Variants in DMD observed in about 807,000 individuals in gnomAD.
DMD encodes dystrophin, also known as mutant dystrophin.
In DMD, 63 loss-of-function variants were observed where a neutral mutation model predicts 330.1. That is an observed-to-expected ratio of 0.19 (90% CI 0.16 to 0.24). The LOEUF (loss-of-function observed/expected upper bound fraction) is 0.24. DMD is among the 10% of genes least tolerant of loss of function. DMD has a pLI of 1.00. For synonymous variants in DMD, 1,223 were observed against 959.8 expected (o/e 1.27, Z -5.07); for missense variants, 3,344 against 2,684.1 (o/e 1.25, Z -5.43).
chrX:32,681,336 A>G (rs2062406612), intron 9 of DMD, among the ~76,000 whole-genome samples: 1 of 111,576 alleles, frequency 9.0e-6, no homozygotes, highest in African/African-American at 3.3e-5. Flanking sequence ...AGCCTTATAT[A>G]TCCATATTTG....
chrX:32,584,502 T>G (rs1312490070), intron 13 of DMD, among the ~76,000 whole-genome samples: 3 of 112,218 alleles, frequency 2.7e-5, no homozygotes, highest in Non-Finnish European at 5.6e-5. Context: ...TTATTTGTAA[T>G]GCTTCCGAAC....
intron 74 of DMD, among the ~76,000 whole-genome samples, chrX:31,164,688 G>A (rs1318712707): frequency 9.0e-6 from 1 of 110,850 alleles, no homozygotes; most frequent in Non-Finnish European, 1.9e-5. Context: ...CCTCGTTCCA[G>A]CATCGCTCTT....
rs771580185 is a variant in DMD, at chrX:32,500,230, C to G, written c.2380+1525G>C. On this transcript the variant is annotated intron_variant, in intron 19 of 78. Coordinates refer to ENST00000357033, the MANE Select transcript of DMD (RefSeq NM_004006.3). ...AAAATTACCAACGTTATTACCTCAA[C>G]GACTGCCTTAATTTTGCTTTTCTAA... Among the ~76,000 whole-genome samples the G allele has an allele frequency of 1.2e-4, 13 of 111,187 alleles. 1 individual carries two copies. The East Asian group carries it at 3.7e-3, about 31-fold the overall frequency.
intron 9 of DMD, among the ~76,000 whole-genome samples, chrX:32,675,894 G>C (rs1235597826): frequency 9.0e-6 from 1 of 111,473 alleles, no homozygotes; most frequent in Non-Finnish European, 1.9e-5. Context: ...TAATTTTTGT[G>C]ACATTATTCA....
rs964031714 is a variant in DMD at position 32,654,612 on chromosome X, T to A, written c.961-9460A>T. Among the ~76,000 whole-genome samples, 5 of 78,604 alleles carry A rather than the reference T, an allele frequency of 6.4e-5. No individual in the cohort carries two copies. The East Asian group carries it at 8.8e-4, about 14-fold the overall frequency. 68.3% of individuals were successfully genotyped at this position (78,604 alleles called of 115,157 possible). A position where few individuals can be genotyped will look rare whatever the true frequency, so the allele number is the denominator to read the frequency against. ...TCAAGGATATTGGTCTAAAATTCTC[T>A]TTTTTTTGTTTTGTCTCTGCCAGGC... On this transcript the variant is annotated intron_variant, in intron 9 of 78. Transcript: ENST00000357033.
intron 7 of DMD, among the ~76,000 whole-genome samples, chrX:32,764,007 C>T (rs16990662): frequency 0.13 from 14,404 of 110,594 alleles, 1,333 homozygotes; most frequent in African/African-American, 0.32. Flanking sequence ...AAACTGATAA[C>T]GAAAATCTTT....
At chrX:31,356,478 T>C (rs192793214) in intron 60 of DMD, among the ~76,000 whole-genome samples, 123 of 111,302 alleles carry the variant, frequency 1.1e-3, no homozygotes, top group African/African-American at 3.9e-3. Context: ...CTGTGCATGC[T>C]TGCAAGACAA....
At chrX:32,241,897 T>C (rs1230022740) in intron 43 of DMD, among the ~76,000 whole-genome samples, 1 of 111,080 alleles carries the variant, frequency 9.0e-6, no homozygotes, top group Non-Finnish European at 1.9e-5. Flanking sequence ...CCATAAGGCA[T>C]ATACCCAATA....
chrX:32,518,849 A>G (rs12013084), intron 17 of DMD, among the ~76,000 whole-genome samples: 1 of 110,318 alleles, frequency 9.1e-6, no homozygotes, highest in Non-Finnish European at 1.9e-5. Flanking sequence ...AGTTGATGCC[A>G]CATAGAGAAA....
chrX:31,410,592 T>G (rs1448398150), intron 60 of DMD, among the ~76,000 whole-genome samples: 1 of 111,139 alleles, frequency 9.0e-6, no homozygotes, highest in Non-Finnish European at 1.9e-5. Context: ...ATCTTTGTTT[T>G]GCCCTCTCCC....
chrX:31,328,436 T>C (rs2056913422), intron 61 of DMD, among the ~76,000 whole-genome samples: 1 of 111,189 alleles, frequency 9.0e-6, no homozygotes, highest in Non-Finnish European at 1.9e-5. Context: ...CAGTAGATTA[T>C]TTGGGAACAT....
chrX:32,109,704 A>C (rs181836670), intron 44 of DMD, among the ~76,000 whole-genome samples: 83 of 110,886 alleles, frequency 7.5e-4, no homozygotes, highest in Non-Finnish European at 1.4e-3. Flanking sequence ...TCTTCCTTTA[A>C]GCATTTCTGG....
chrX:33,321,227 G>A (rs943223336), intron 1 of DMD, among the ~76,000 whole-genome samples: 1 of 111,164 alleles, frequency 9.0e-6, no homozygotes, highest in African/African-American at 3.3e-5. Flanking sequence ...TCCATCAGAA[G>A]ATTTATTATT....
At chrX:32,155,094 A>G (rs1252070549) in intron 44 of DMD, among the ~76,000 whole-genome samples, 1 of 109,250 alleles carries the variant, frequency 9.2e-6, no homozygotes, top group Non-Finnish European at 1.9e-5. Flanking sequence ...CCTAGAATGA[A>G]TATGGTTTAA....
chrX:31,193,624 A>T (rs2042597848), intron 67 of DMD, among the ~76,000 whole-genome samples: 1 of 111,948 alleles, frequency 8.9e-6, no homozygotes, highest in Non-Finnish European at 1.9e-5. Context: ...TCAAAATATC[A>T]AAAAATTACT....
intron 1 of DMD, among the ~76,000 whole-genome samples, chrX:33,315,855 A>G (rs1390016396): frequency 9.0e-6 from 1 of 110,980 alleles, no homozygotes; most frequent in African/African-American, 3.3e-5. Context: ...CATAAAATAC[A>G]TGACTCTTGT....
At chrX:33,177,635 C>G (rs2049746330) in intron 1 of DMD, among the ~76,000 whole-genome samples, 1 of 111,305 alleles carries the variant, frequency 9.0e-6, no homozygotes, top group Non-Finnish European at 1.9e-5. Context: ...ATCCACCCGC[C>G]TCAGACTCCC....
At chrX:31,719,922 T>A (rs1466449626) in intron 52 of DMD, among the ~76,000 whole-genome samples, 1 of 111,783 alleles carries the variant, frequency 8.9e-6, no homozygotes, top group East Asian at 2.8e-4. Flanking sequence ...TGCAGCCTAA[T>A]TGACATCTGA....
chrX:32,573,712 T>G, intron 14 of DMD, 33 bp downstream of exon 14: 1 of 1,194,666 alleles, frequency 8.4e-7, no homozygotes, highest in East Asian at 3.0e-5. Context: ...TCCCCCCGTG[T>G]CTTTTACAGC....
Sources: allele counts gnomAD v4.1 joint callset (sites outside exome capture counted in the v4.1 genomes callset), GRCh38; gene constraint gnomAD v4.1.1; transcripts MANE v1.5; gene names NCBI Gene and HGNC (gene_info 2026-07-23, HGNC 2026-07-21).